RPS6KC1: variants seen among roughly 807,000 people sequenced by gnomAD.
RPS6KC1 encodes the protein ribosomal protein S6 kinase C1.
RPS6KC1 carries 54 observed loss-of-function variants against 103.8 expected under a neutral mutation model. The observed-to-expected ratio is 0.52, with a 90% CI of 0.42 to 0.65. RPS6KC1 has a LOEUF of 0.65. Ranked by LOEUF, RPS6KC1 falls within the 30% of genes least tolerant of loss-of-function variation. The pLI, the probability that RPS6KC1 is intolerant of heterozygous loss-of-function variation, is 0.00. For missense variants in RPS6KC1, 1,151 were observed against 1,253.8 expected (o/e 0.92, Z 1.24); for synonymous variants, 439 against 438.7 (o/e 1.00, Z -0.01).
chr1:213,333,238 G>A, the RPS6KC1 span, among the ~76,000 whole-genome samples: 3 of 152,316 alleles, frequency 2.0e-5, no homozygotes, highest in South Asian at 2.1e-4. Flanking sequence ...GGTCTTGTAC[G>A]TTCCTTGTCC....
chr1:213,287,150 A>G, the RPS6KC1 span, among the ~76,000 whole-genome samples: 47 of 152,300 alleles, frequency 3.1e-4, no homozygotes, highest in Admixed American at 2.3e-3. Context: ...AATGAGAACT[A>G]TAACAGGATC....
intron 14 of RPS6KC1, among the ~76,000 whole-genome samples, chr1:213,267,580 C>T (rs542305207): frequency 1.3e-5 from 2 of 151,846 alleles, no homozygotes; most frequent in East Asian, 1.9e-4. Flanking sequence ...CTGAGTGTAC[C>T]CAGACACAGG....
At chr1:213,296,296 T>A in the RPS6KC1 span, among the ~76,000 whole-genome samples, 1 of 152,224 alleles carries the variant, frequency 6.6e-6, no homozygotes, top group African/African-American at 2.4e-5. Context: ...AGATTGTTGC[T>A]GAGAGCCCTG....
chr1:213,212,658 A>G (rs1431965820), intron 8 of RPS6KC1, among the ~76,000 whole-genome samples: 1 of 152,244 alleles, frequency 6.6e-6, no homozygotes, highest in East Asian at 1.9e-4. Flanking sequence ...AGAAACTGCC[A>G]AACTGTCTTC....
intron 8 of RPS6KC1, among the ~76,000 whole-genome samples, chr1:213,219,045 C>T (rs2093749891): frequency 1.3e-5 from 2 of 152,164 alleles, no homozygotes; most frequent in South Asian, 4.1e-4. Context: ...TTCTGCACAG[C>T]AAAAGAAACT....
the RPS6KC1 span, among the ~76,000 whole-genome samples, chr1:213,604,441 T>C: frequency 6.6e-6 from 1 of 152,270 alleles, no homozygotes; most frequent in Non-Finnish European, 1.5e-5. Flanking sequence ...ATCAATAAAC[T>C]GCACCCTCTC....
chr1:213,168,024 G>T (rs1212406167), intron 7 of RPS6KC1, 51 bp downstream of exon 7: 5 of 1,133,428 alleles, frequency 4.4e-6, no homozygotes, highest in Non-Finnish European at 2.6e-6. Context: ...TTTGCTGTCT[G>T]GTCTCTCTGC....
At chr1:213,842,477 A>G in the RPS6KC1 span, among the ~76,000 whole-genome samples, 1 of 152,046 alleles carries the variant, frequency 6.6e-6, no homozygotes, top group Non-Finnish European at 1.5e-5. Flanking sequence ...TTTTATTTTG[A>G]CTTGTCAAAT....
chr1:213,545,032 C>T, the RPS6KC1 span, among the ~76,000 whole-genome samples: 1 of 152,182 alleles, frequency 6.6e-6, no homozygotes, highest in African/African-American at 2.4e-5. Context: ...ACTTCAAGGT[C>T]AAGGTGTCTA....
chr1:213,421,547 A>G, the RPS6KC1 span, among the ~76,000 whole-genome samples: 2 of 152,366 alleles, frequency 1.3e-5, no homozygotes, highest in East Asian at 3.9e-4. Context: ...CATGGGTTTG[A>G]CATCCATACA....
At chr1:213,590,738 AG>A in the RPS6KC1 span, among the ~76,000 whole-genome samples, 1 of 151,988 alleles carries the variant, frequency 6.6e-6, no homozygotes, top group African/African-American at 2.4e-5. Context: ...CTAACATCCT[AG>A]GACTGCCTGT....
chr1:213,539,681 G>A, the RPS6KC1 span, among the ~76,000 whole-genome samples: 1 of 151,338 alleles, frequency 6.6e-6, no homozygotes, highest in African/African-American at 2.4e-5. Context: ...CAGCAGGCGA[G>A]TAGATCTACT....
chr1:213,314,736 T>A, the RPS6KC1 span, among the ~76,000 whole-genome samples: 1 of 152,038 alleles, frequency 6.6e-6, no homozygotes, highest in Non-Finnish European at 1.5e-5. Flanking sequence ...CATTAAATGC[T>A]GTTATGAATT....
At chr1:213,552,138 A>G in the RPS6KC1 span, among the ~76,000 whole-genome samples, 16 of 152,362 alleles carry the variant, frequency 1.1e-4, no homozygotes, top group Admixed American at 7.2e-4. Context: ...AGTTTTGTCA[A>G]TTATGAATAA....
chr1:213,260,031 G>T (rs554222278), intron 12 of RPS6KC1, among the ~76,000 whole-genome samples: 4 of 152,116 alleles, frequency 2.6e-5, no homozygotes, highest in Non-Finnish European at 5.9e-5. Flanking sequence ...GAGCCACCTC[G>T]CCTGGCCCTA....
the RPS6KC1 span, among the ~76,000 whole-genome samples, chr1:213,520,402 C>T: frequency 5.3e-5 from 8 of 152,048 alleles, no homozygotes; most frequent in African/African-American, 1.7e-4. Flanking sequence ...AAAACCACCC[C>T]ATGATTCAGT....
chr1:213,391,917 C>T, the RPS6KC1 span, among the ~76,000 whole-genome samples: 2 of 152,126 alleles, frequency 1.3e-5, no homozygotes, highest in Non-Finnish European at 2.9e-5. Flanking sequence ...CTTGTCTTTT[C>T]AGTAAAAGGG....
chr1:213,611,895 A>G, the RPS6KC1 span, among the ~76,000 whole-genome samples: 5 of 152,222 alleles, frequency 3.3e-5, no homozygotes, highest in Admixed American at 3.3e-4. Flanking sequence ...CATTTATAGT[A>G]GAGCCTCCTT....
At chr1:213,498,997 C>A in the RPS6KC1 span, among the ~76,000 whole-genome samples, 3 of 150,576 alleles carry the variant, frequency 2.0e-5, no homozygotes, top group Non-Finnish European at 4.4e-5. Flanking sequence ...CCAGGCCGGT[C>A]TCGAACTCCT....
Sources: allele counts gnomAD v4.1 joint callset (sites outside exome capture counted in the v4.1 genomes callset), GRCh38; gene constraint gnomAD v4.1.1; transcripts MANE v1.5; gene names NCBI Gene and HGNC (gene_info 2026-07-23, HGNC 2026-07-21).